The following CLK2 variants were observed in gnomAD, a reference collection of about 807,000 sequenced individuals.
The protein encoded by CLK2 is dual specificity protein kinase CLK2.
CLK2 carries 12 observed loss-of-function variants against 73.5 expected under a neutral mutation model. That is an observed-to-expected ratio of 0.16 (90% CI 0.10 to 0.26). The LOEUF is 0.26. Among genes scored for constraint, CLK2 ranks in the 10% least tolerant of loss-of-function variants. CLK2 has a pLI of 1.00. For missense variants in CLK2, 509 were observed against 688.4 expected (o/e 0.74, Z 2.92); for synonymous variants, 232 against 237.9 (o/e 0.98, Z 0.23).
intron 1 of CLK2, among the ~76,000 whole-genome samples, 171 bp downstream of exon 1, chr1:155,273,030 T>C (rs1157704039): frequency 6.6e-6 from 1 of 152,150 alleles, no homozygotes; most frequent in East Asian, 1.9e-4. Flanking sequence ...TCTTGGTACA[T>C]CTAACGCAGG....
At chr1:155,269,160 C>T in intron 3 of CLK2, 1 of 577,754 alleles carries the variant, frequency 1.7e-6, no homozygotes, top group Non-Finnish European at 3.1e-6. Context: ...GCTACAGAGC[C>T]CAGGGCTTGG....
chr1:155,267,892 A>G lies in CLK2; in HGVS notation c.671+118T>C, dbSNP rs1470619783. Reference sequence around the variant, plus strand: ...TTCTACTACTCTAAGATGATGAACAAAAGATGAATGGATGAGAAGGTCTAG... The same window carrying G: ...TTCTACTACTCTAAGATGATGAACAGAAGATGAATGGATGAGAAGGTCTAG... On this transcript the variant is annotated intron_variant, in intron 6 of 12. Transcript: ENST00000368361. 3 of 727,996 alleles carry G rather than the reference A, an allele frequency of 4.1e-6. No individual in the cohort carries two copies. In the Admixed American group the frequency reaches 6.1e-5, roughly 15 times the overall value. 45.1% of individuals were successfully genotyped at this position (727,996 alleles called of 1,614,324 possible). A position where few individuals can be genotyped will look rare whatever the true frequency, so the allele number is the denominator to read the frequency against.
chr1:155,263,497 G>C, intron 12 of CLK2, 97 bp from the exon 13 acceptor site: 1 of 1,502,816 alleles, frequency 6.7e-7, no homozygotes. Context: ...CCAAGGCTCT[G>C]CTTGCAACCA....
rs1270602947 is a variant in CLK2 at position 155,268,254 on chromosome 1, C to T, written c.554+39G>A. The T allele has an allele frequency of 6.2e-7, 1 of 1,603,240 alleles. No homozygotes were observed. Among genetic ancestry groups the T allele is most frequent in the Middle Eastern group, 1.7e-4 (1 of 6,044 alleles). ...AAAAGCCCCATATAACCCCAACCATCTCTTTAGCCCCACATAGTAGGGAGG... is the reference window on the plus strand; with the variant it reads ...AAAAGCCCCATATAACCCCAACCATTTCTTTAGCCCCACATAGTAGGGAGG... On this transcript the variant is annotated intron_variant, in intron 5 of 12. Transcript: ENST00000368361. This position sits in a 1 kb window ranked among gnomAD's most constrained non-coding sequence, Gnocchi z 5.6.
intron 8 of CLK2, 36 bp from the exon 9 acceptor site, chr1:155,264,810 C>T (rs377657872): frequency 1.7e-5 from 27 of 1,609,042 alleles, no homozygotes; most frequent in East Asian, 2.2e-5. Context: ...AACCTCTGCA[C>T]CCAGACTGAG....
intron 12 of CLK2, 69 bp from the exon 13 acceptor site, chr1:155,263,469 C>G: frequency 6.4e-7 from 1 of 1,571,824 alleles, no homozygotes; most frequent in Non-Finnish European, 8.6e-7. Flanking sequence ...CAAGACCCTA[C>G]CTTTCATTCT....
Position 155,269,389 on chromosome 1 carries a change from C to A in CLK2, c.399+99G>T, listed in dbSNP as rs369107982. 3.1e-5 allele frequency: 33 copies of A among 1,070,080 alleles called. 2 individuals carry two copies. The highest frequency in any genetic ancestry group is 3.7e-5 in the Admixed American group (2 of 53,432). The allele number at this position is 1,070,080 out of a possible 1,614,324, so 66.3% of individuals were successfully genotyped here. On this transcript the variant is annotated intron_variant, in intron 3 of 12. Transcript: ENST00000368361. ...CTCAGTGCCCACCTCAGTGTTCATG[C>A]CCCAATGTTCAGCTGAGAACAAGGA...
At chr1:155,265,566 C>CAATAAATAAATAAAT (rs1673188989) in intron 8 of CLK2, among the ~76,000 whole-genome samples, 1 of 106,410 alleles carries the variant, frequency 9.4e-6, no homozygotes, top group Non-Finnish European at 2.0e-5. Context: ...GACTCTGTCT[C>CAATAAATAAATAAAT]AAATAAATAA....
intron 12 of CLK2, 136 bp downstream of exon 12, chr1:155,263,814 C>A: frequency 7.2e-7 from 1 of 1,394,266 alleles, no homozygotes; most frequent in Non-Finnish European, 9.8e-7. Flanking sequence ...CTCTGTTGAC[C>A]AAAGATGTCT....
intron 6 of CLK2, 24 bp downstream of exon 6, chr1:155,267,986 C>T: frequency 6.4e-7 from 1 of 1,569,494 alleles, no homozygotes; most frequent in Non-Finnish European, 8.8e-7. Flanking sequence ...CTCAGCCTCC[C>T]TACATACTTC....
At position 155,263,893 on chromosome 1, in the gene CLK2, C is replaced by T. The variant is rs1166463658; in HGVS notation, c.1317+57G>A. On this transcript the variant is annotated intron_variant, in intron 12 of 12. Coordinates refer to ENST00000368361, the MANE Select transcript of CLK2 (RefSeq NM_001294338.2). ...AAGAGCATTCCAGGGGGCAAACCAC[C>T]CTAAGAAGGAAGTGACTTCTGGACG... 1.9e-6 allele frequency: 3 copies of T among 1,547,152 alleles called. No homozygotes were observed. In the South Asian group the frequency reaches 3.4e-5, roughly 17 times the overall value.
chr1:155,268,280 G>A lies in CLK2; in HGVS notation c.554+13C>T. On this transcript the variant is annotated intron_variant, in intron 5 of 12. Coordinates refer to ENST00000368361, the MANE Select transcript of CLK2 (RefSeq NM_001294338.2). This position sits in a 1 kb window ranked among gnomAD's most constrained non-coding sequence, Gnocchi z 5.6. ...TCTTTAGCCCCACATAGTAGGGAGG[G>A]ACTGACAGTTACCTGCGATGGTCAA... 6.2e-7 allele frequency: 1 copy of A among 1,613,278 alleles called. No homozygotes were observed. The highest frequency in any genetic ancestry group is 1.1e-5 in the South Asian group (1 of 91,070).
rs776676914 is a variant in CLK2, at chr1:155,264,204, GC to G, written c.1226+16del. 344 of 1,613,182 alleles carry G rather than the reference GC, an allele frequency of 2.1e-4. No individual in the cohort carries two copies. Among genetic ancestry groups the G allele is most frequent in the Non-Finnish European group, 2.7e-4 (322 of 1,179,242 alleles). On this transcript the variant is annotated intron_variant, in intron 11 of 12. Coordinates refer to ENST00000368361, the MANE Select transcript of CLK2 (RefSeq NM_001294338.2). ...GAGAAAAGGAAAAGAGTTAACTAGTGCCCCCTCAAGGTTCACCTTGTCTTTC... is the reference window on the plus strand; with the variant it reads ...GAGAAAAGGAAAAGAGTTAACTAGTGCCCCTCAAGGTTCACCTTGTCTTTC...
At chr1:155,269,275 T>C in intron 3 of CLK2, 4 of 605,184 alleles carry the variant, frequency 6.6e-6, no homozygotes, top group South Asian at 2.0e-5. Context: ...GGGAGAGCAC[T>C]GGGGGTCACA....
rs778311889 is a variant in CLK2, at chr1:155,268,670, CATT to C, written c.487+35_487+37del. On this transcript the variant is annotated intron_variant, in intron 4 of 12. Transcript: ENST00000368361. The surrounding 1 kb of genome is among the most constrained non-coding windows in gnomAD (Gnocchi z 5.6). ...TGGGACGTTAGGATGGCTATGGGAC[CATT>C]ACAGGCTATAGGATTGTTACGATTT... The C allele has an allele frequency of 6.0e-5, 94 of 1,570,456 alleles. No homozygotes were observed. The highest frequency in any genetic ancestry group is 8.2e-5 in the Non-Finnish European group (93 of 1,140,370).
chr1:155,271,489 G>A lies in CLK2; in HGVS notation c.1-512C>T, dbSNP rs540884981. On this transcript the variant is annotated intron_variant, in intron 1 of 12. Coordinates refer to ENST00000368361, the MANE Select transcript of CLK2 (RefSeq NM_001294338.2). ...TCCTCCTGCCTCGGCCTCCCAAAGT[G>A]CTGGGATTACAGGCGTGAGCCACCG... is the stretch of plus-strand genomic sequence containing the variant. 5.3e-5 allele frequency among the ~76,000 whole-genome samples: 8 copies of A among 152,330 alleles called. No homozygotes were observed. In the South Asian group the frequency reaches 1.2e-3, roughly 24 times the overall value.
chr1:155,270,673 T>A, intron 2 of CLK2, 135 bp downstream of exon 2: 1 of 1,003,974 alleles, frequency 1.0e-6, no homozygotes, highest in South Asian at 1.5e-5. Context: ...AAATGGCTTC[T>A]TTGGTTATCT....
chr1:155,266,454 G>C (rs75240922), intron 7 of CLK2, among the ~76,000 whole-genome samples: 3,314 of 152,314 alleles, frequency 0.022, 38 homozygotes, highest in Non-Finnish European at 0.033. Flanking sequence ...TCCCAAGAAA[G>C]GGAGAAAGGA....
chr1:155,269,531 C>T lies in CLK2; in HGVS notation c.356G>A (p.Arg119Lys), dbSNP rs1673393876. 6.2e-7 allele frequency: 1 copy of T among 1,613,990 alleles called. No homozygotes were observed. Among genetic ancestry groups the T allele is most frequent in the Non-Finnish European group, 8.5e-7 (1 of 1,180,054 alleles). Residue 119 changes from arginine to lysine, a missense_variant, in exon 3 of 13, where the codon AGA becomes AAA. Around this residue, in one of 6 missense-constraint regions of CLK2, gnomAD observed 222 missense variants for 221.7 expected, o/e 1.00. Transcript: ENST00000368361. ...RSQRSSRRKH[R>K]RRRRRSRTFS... ...TGTCCGGCTGCGCCTCCTCCGCCGT[C>T]TGTGCTTCCTCCGGCTGCTGCGCTG...
Sources: allele counts gnomAD v4.1 joint callset (sites outside exome capture counted in the v4.1 genomes callset), GRCh38; gene constraint gnomAD v4.1.1; regional missense constraint gnomAD v4.1.1; non-coding constraint Gnocchi (gnomAD v3.1); transcripts MANE v1.5; gene names NCBI Gene and HGNC (gene_info 2026-07-23, HGNC 2026-07-21).